MTCL1: variants seen among roughly 807,000 people sequenced by gnomAD.
MTCL1 encodes microtubule crosslinking factor 1.
Under a neutral mutation model 141.4 loss-of-function variants are expected in MTCL1, and 79 were observed. The ratio of observed to expected loss-of-function variants is 0.56; its 90% confidence interval spans 0.47 to 0.67. MTCL1 has a LOEUF of 0.67. Ranked by LOEUF, MTCL1 falls within the 30% of genes least tolerant of loss-of-function variation. The pLI, the probability that MTCL1 is intolerant of heterozygous loss-of-function variation, is 0.00. For synonymous variants in MTCL1, 914 were observed against 875.8 expected (o/e 1.04, Z -0.77); for missense variants, 2,177 against 2,113.9 (o/e 1.03, Z -0.59).
exon 6 of MTCL1, chr18:8,784,835 G>A: frequency 6.3e-7 from 1 of 1,593,694 alleles, no homozygotes; most frequent in South Asian, 1.1e-5. Flanking sequence ...GCTGGGCCCA[G>A]ACTTGCAGGT....
At chr18:8,771,475 G>A (rs532073851) in intron 4 of MTCL1, among the ~76,000 whole-genome samples, 3 of 152,116 alleles carry the variant, frequency 2.0e-5, no homozygotes, top group East Asian at 1.9e-4. Flanking sequence ...CTACATCCTC[G>A]TTCCCATACT....
chr18:8,825,625 C>T, exon 15 of MTCL1: 4 of 1,613,926 alleles, frequency 2.5e-6, no homozygotes, highest in Non-Finnish European at 3.4e-6. Flanking sequence ...CAGGTGGCCC[C>T]TGCCATCGAG....
intron 4 of MTCL1, among the ~76,000 whole-genome samples, chr18:8,772,676 G>A (rs575566376): frequency 5.3e-5 from 8 of 151,220 alleles, no homozygotes; most frequent in African/African-American, 1.9e-4. Flanking sequence ...AACATAAAAA[G>A]TATGTTATAT....
At chr18:8,706,762 T>C (rs1384493311) in intron 1 of MTCL1, 49 bp downstream of exon 1, 33 of 1,538,028 alleles carry the variant, frequency 2.1e-5, no homozygotes, top group Non-Finnish European at 2.6e-5. Flanking sequence ...CCGGAGGGCC[T>C]GGCTGCGGCG....
chr18:8,769,062 G>A (rs918566593), intron 4 of MTCL1, among the ~76,000 whole-genome samples: 7 of 152,074 alleles, frequency 4.6e-5, no homozygotes, highest in African/African-American at 1.2e-4. Context: ...CCCAAAGTGC[G>A]GGGAATACAG....
intron 11 of MTCL1, among the ~76,000 whole-genome samples, chr18:8,807,996 T>A (rs1230853788): frequency 6.7e-6 from 1 of 149,122 alleles, no homozygotes; most frequent in Non-Finnish European, 1.5e-5. Context: ...TGAAAAAGAC[T>A]TGATGTGTCA....
At chr18:8,706,567 C>T (rs1481222294) in exon 1 of MTCL1, 6 of 1,439,784 alleles carry the variant, frequency 4.2e-6, no homozygotes, top group Middle Eastern at 2.4e-4. Flanking sequence ...GGAGGATGTC[C>T]GGGGGCGCTC....
At chr18:8,784,396 C>A in exon 6 of MTCL1, 1 of 1,527,138 alleles carries the variant, frequency 6.5e-7, no homozygotes, top group Non-Finnish European at 8.8e-7. Flanking sequence ...CGTCGGGCTT[C>A]GGGAGCGGGA....
chr18:8,740,616 G>A (rs1423405501), intron 4 of MTCL1, among the ~76,000 whole-genome samples: 1 of 152,086 alleles, frequency 6.6e-6, no homozygotes, highest in Non-Finnish European at 1.5e-5. Flanking sequence ...CCAAGTAGCT[G>A]GAATTACAGG....
At chr18:8,777,992 C>A in intron 5 of MTCL1, 100 bp downstream of exon 4, 1 of 1,105,466 alleles carries the variant, frequency 9.0e-7, no homozygotes, top group Non-Finnish European at 1.3e-6. Context: ...TTAAAACATC[C>A]AAAGAAACAT....
At chr18:8,733,388 G>A (rs1330330537) in intron 4 of MTCL1, among the ~76,000 whole-genome samples, 1 of 152,122 alleles carries the variant, frequency 6.6e-6, no homozygotes, top group Admixed American at 6.5e-5. Context: ...GTCTGTATCT[G>A]TGTCGGCCTC....
chr18:8,731,653 T>C (rs1417489700), intron 4 of MTCL1, among the ~76,000 whole-genome samples: 3 of 152,202 alleles, frequency 2.0e-5, no homozygotes, highest in African/African-American at 7.2e-5. Flanking sequence ...GTAAACTGCA[T>C]CAAATTTGTA....
At chr18:8,745,058 C>T (rs942517167) in intron 4 of MTCL1, among the ~76,000 whole-genome samples, 1 of 152,192 alleles carries the variant, frequency 6.6e-6, no homozygotes, top group Non-Finnish European at 1.5e-5. Context: ...CACCTCCCAC[C>T]TCCTGATTTT....
rs535682209 is a variant in MTCL1 at position 8,779,084 on chromosome 18, C to T, written c.417+1192C>T. 6.6e-6 allele frequency among the ~76,000 whole-genome samples: 1 copy of T among 152,346 alleles called. No homozygotes were observed. The highest frequency in any genetic ancestry group is 1.9e-4 in the East Asian group (1 of 5,178). On this transcript the variant is annotated intron_variant, in intron 5 of 16. Transcript: ENST00000359865. The surrounding 1 kb of genome is among the most constrained non-coding windows in gnomAD (Gnocchi z 4.1). ...GAACTGCAGGCCCGCAACCAAAACC[C>T]AAAGGAAGCTGGCGCCCCGGCGCAA...
intron 4 of MTCL1, among the ~76,000 whole-genome samples, chr18:8,735,650 A>G (rs2096271406): frequency 6.6e-6 from 1 of 152,084 alleles, no homozygotes; most frequent in Non-Finnish European, 1.5e-5. Flanking sequence ...GGGGGTGGGC[A>G]TGGAGGTAGG....
chr18:8,745,040 A>G (rs2096328509), intron 4 of MTCL1, among the ~76,000 whole-genome samples: 1 of 152,256 alleles, frequency 6.6e-6, no homozygotes, highest in South Asian at 2.1e-4. Flanking sequence ...GGATCAGAGC[A>G]GTGAGTTCAC....
Position 8,819,264 on chromosome 18 carries a change from G to A in MTCL1, c.3156+5G>A. 2 of 1,613,536 alleles carry A rather than the reference G, an allele frequency of 1.2e-6. 1 individual carries two copies. The highest frequency in any genetic ancestry group is 1.7e-6 in the Non-Finnish European group (2 of 1,179,750). On this transcript the variant is annotated splice_donor_5th_base_variant and intron_variant, in intron 13 of 16. Coordinates refer to ENST00000359865, the Ensembl canonical transcript of MTCL1. Reference sequence around the variant, plus strand: ...TTCAGGAACCGCCTCCCTGAGGTCAGCCAGGTTTTGTCCATCCTAGTTAAC... The same window carrying A: ...TTCAGGAACCGCCTCCCTGAGGTCAACCAGGTTTTGTCCATCCTAGTTAAC...
At chr18:8,786,121 C>CACA in intron 7 of MTCL1, 30 bp downstream of exon 6, 1 of 1,469,510 alleles carries the variant, frequency 6.8e-7, no homozygotes, top group Admixed American at 2.0e-5. Flanking sequence ...CCCCCCCCCC[C>CACA]GCCCTCCCCC....
chr18:8,791,226 G>A (rs2075714417), intron 7 of MTCL1, among the ~76,000 whole-genome samples: 1 of 152,130 alleles, frequency 6.6e-6, no homozygotes, highest in Non-Finnish European at 1.5e-5. Flanking sequence ...CCCAGGGCAG[G>A]GAGCAGGGAG....
Sources: gnomAD v4.1 joint callset for allele counts (sites outside exome capture counted in the v4.1 genomes callset) on GRCh38, gnomAD v4.1.1 for gene constraint, Gnocchi (gnomAD v3.1) non-coding constraint, MANE v1.5 for transcripts, NCBI Gene and HGNC (gene_info 2026-07-23, HGNC 2026-07-21) for gene names.